MTHFD2: variants seen among roughly 807,000 people sequenced by gnomAD.
MTHFD2 encodes the protein bifunctional methylenetetrahydrofolate dehydrogenase/cyclohydrolase, mitochondrial.
MTHFD2 carries 26 observed loss-of-function variants against 36.8 expected under a neutral mutation model. The ratio of observed to expected loss-of-function variants is 0.71; its 90% CI spans 0.52 to 0.98. The LOEUF is 0.98. Among genes scored for constraint, MTHFD2 ranks in the 50% least tolerant of loss-of-function variants. The pLI is 0.00. For synonymous variants in MTHFD2, 164 were observed against 155.2 expected (o/e 1.06, Z -0.42); for missense variants, 373 against 434.0 (o/e 0.86, Z 1.25).
chr2:74,206,898 G>A (rs1694194842), intron 2 of MTHFD2, among the ~76,000 whole-genome samples: 1 of 152,004 alleles, frequency 6.6e-6, no homozygotes, highest in Admixed American at 6.6e-5. Context: ...AGTAGAGATG[G>A]GGTTTCTCCA....
At chr2:74,211,135 G>T in intron 5 of MTHFD2, 64 bp from the exon 6 acceptor site, 1 of 1,086,162 alleles carries the variant, frequency 9.2e-7, no homozygotes, top group Non-Finnish European at 1.4e-6. Context: ...GACTTGACTA[G>T]TTGAGACCTA....
chr2:74,210,135 T>A, intron 5 of MTHFD2, 86 bp downstream of exon 5: 1 of 1,067,024 alleles, frequency 9.4e-7, no homozygotes, highest in Non-Finnish European at 1.4e-6. Context: ...TTGGAAGTAT[T>A]AACTCTGTTA....
Position 74,205,852 on chromosome 2 carries a change from C to T in MTHFD2, c.249C>T (p.Ser83=), listed in dbSNP as rs1349276151. The T allele has an allele frequency of 1.2e-6, 2 of 1,613,748 alleles. No homozygotes were observed. The highest frequency in any genetic ancestry group is 1.7e-6 in the Non-Finnish European group (2 of 1,179,998). ...ILVGENPASH[S]YVLNKTRAAA... ...TTGGCGAGAATCCTGCAAGTCACTC[C>T]TATGTCCTCAACAAAACCAGGGCAG... The change falls in exon 2 of 8, where the codon TCC becomes TCT. Residue 83 remains serine, a synonymous_variant. Transcript: ENST00000394053.
At chr2:74,198,915 C>G (rs1242066416) in intron 1 of MTHFD2, among the ~76,000 whole-genome samples, 173 bp downstream of exon 1, 1 of 152,146 alleles carries the variant, frequency 6.6e-6, no homozygotes, top group African/African-American at 2.4e-5. Context: ...GCCGCCGCAG[C>G]TCTCGACTGG....
chr2:74,212,939 C>A (rs529558032), intron 7 of MTHFD2, among the ~76,000 whole-genome samples: 2 of 151,618 alleles, frequency 1.3e-5, no homozygotes, highest in Non-Finnish European at 2.9e-5. Flanking sequence ...GAGTCTCACT[C>A]TGTTGCCCAG....
chr2:74,207,543 A>G (rs547692629), intron 2 of MTHFD2, among the ~76,000 whole-genome samples, 161 bp from the exon 3 acceptor site: 8 of 152,300 alleles, frequency 5.3e-5, no homozygotes, highest in African/African-American at 1.7e-4. Flanking sequence ...TCTGGTGTAT[A>G]TATTTGTGAA....
At chr2:74,201,949 C>G (rs1232559605) in intron 1 of MTHFD2, among the ~76,000 whole-genome samples, 6 of 149,552 alleles carry the variant, frequency 4.0e-5, no homozygotes, top group African/African-American at 9.9e-5. Flanking sequence ...GACTGTTTTT[C>G]TTTCTTTTCT....
intron 6 of MTHFD2, 98 bp from the exon 7 acceptor site, chr2:74,211,643 A>G: frequency 8.5e-7 from 1 of 1,171,220 alleles, no homozygotes; most frequent in South Asian, 2.1e-5. Flanking sequence ...AAACATGTTG[A>G]TTAGTTCTTC....
At chr2:74,199,355 G>T (rs532777734) in intron 1 of MTHFD2, among the ~76,000 whole-genome samples, 2 of 152,182 alleles carry the variant, frequency 1.3e-5, no homozygotes, top group Non-Finnish European at 2.9e-5. Context: ...GCCCACCAGA[G>T]CCTGTCAGTG....
In MTHFD2 at chr2:74,216,669, C is replaced by CA. The variant is rs1553449749; in HGVS notation, c.*2428dup. 1 of 152,132 alleles carries CA rather than the reference C, an allele frequency of 6.6e-6. No homozygotes were observed. The highest frequency in any genetic ancestry group is 1.9e-4 in the East Asian group (1 of 5,186). 9.4% of individuals were successfully genotyped at this position (152,132 alleles called of 1,614,324 possible). On this transcript the variant is annotated 3_prime_UTR_variant, in exon 8 of 8. Transcript: ENST00000394053. ...TGTCTCCCTGGCTGGAGTGCAGTGGCATGATTATAGCTCACTGCAGCCTTG... is the reference window on the plus strand; with the variant it reads ...TGTCTCCCTGGCTGGAGTGCAGTGGCAATGATTATAGCTCACTGCAGCCTTG...
chr2:74,211,056 A>C, intron 5 of MTHFD2, 143 bp from the exon 6 acceptor site: 1 of 529,598 alleles, frequency 1.9e-6, no homozygotes, highest in South Asian at 2.3e-5. Context: ...AAGTGCTGGG[A>C]TTACAGGCGT....
In MTHFD2 at chr2:74,215,444, GA is replaced by G. The variant is rs1395992554; in HGVS notation, c.*1203del. On this transcript the variant is annotated 3_prime_UTR_variant, in exon 8 of 8. Coordinates refer to ENST00000394053, the MANE Select transcript of MTHFD2 (RefSeq NM_006636.4). ...TTCTATTTTTTTTTTTTTTTTTGTAGAGATGGGGTCTTGCTATGTTGCCTGG... is the reference window on the plus strand; with the variant it reads ...TTCTATTTTTTTTTTTTTTTTTGTAGGATGGGGTCTTGCTATGTTGCCTGG... 1.6e-5 allele frequency: 2 copies of G among 122,550 alleles called. No homozygotes were observed. The highest frequency in any genetic ancestry group is 3.2e-5 in the Non-Finnish European group (2 of 61,794). 7.6% of individuals were successfully genotyped at this position (122,550 alleles called of 1,614,324 possible). A position where few individuals can be genotyped will look rare whatever the true frequency, so the allele number is the denominator to read the frequency against.
Position 74,210,061 on chromosome 2 carries a change from G to A in MTHFD2, c.670+12G>A. 6.2e-7 allele frequency: 1 copy of A among 1,605,328 alleles called. No homozygotes were observed. Among genetic ancestry groups the A allele is most frequent in the Non-Finnish European group, 8.5e-7 (1 of 1,174,760 alleles). Reference sequence around the variant, plus strand: ...TGAACGTCCCGGAGGTAAGGAAATTGCTTTCAGGGAACACTGTCCTTTTTT... The same window carrying A: ...TGAACGTCCCGGAGGTAAGGAAATTACTTTCAGGGAACACTGTCCTTTTTT... On this transcript the variant is annotated intron_variant, in intron 5 of 7. Coordinates refer to ENST00000394053, the MANE Select transcript of MTHFD2 (RefSeq NM_006636.4).
chr2:74,211,674 T>G, intron 6 of MTHFD2, 67 bp from the exon 7 acceptor site: 3 of 1,464,392 alleles, frequency 2.0e-6, no homozygotes, highest in Non-Finnish European at 2.7e-6. Flanking sequence ...GAAATTGAAG[T>G]TAGACAAGAA....
intron 6 of MTHFD2, 139 bp from the exon 7 acceptor site, chr2:74,211,601 TC>T: frequency 1.2e-6 from 1 of 800,240 alleles, no homozygotes. Flanking sequence ...AGTAAATAGT[TC>T]CTTAGTTAAT....
chr2:74,202,000 G>A (rs1694052744), intron 1 of MTHFD2, among the ~76,000 whole-genome samples: 1 of 150,698 alleles, frequency 6.6e-6, no homozygotes, highest in Non-Finnish European at 1.5e-5. Context: ...TCCAGAACCT[G>A]CTTTTGGAAG....
intron 2 of MTHFD2, chr2:74,206,134 G>A: frequency 2.9e-6 from 1 of 342,324 alleles, no homozygotes; most frequent in South Asian, 5.5e-5. Context: ...GCTACATTCT[G>A]TTCTTAGTCT....
intron 1 of MTHFD2, among the ~76,000 whole-genome samples, chr2:74,202,147 G>T (rs542873122): frequency 1.3e-5 from 2 of 151,928 alleles, no homozygotes; most frequent in East Asian, 3.9e-4. Flanking sequence ...TGAGGTGCAA[G>T]CTAAGTCATT....
chr2:74,212,370 A>C (rs1264744692), intron 7 of MTHFD2, among the ~76,000 whole-genome samples: 1 of 145,060 alleles, frequency 6.9e-6, no homozygotes, highest in East Asian at 2.0e-4. Context: ...GCTTCAAGCG[A>C]TTCTTGTGCT....
Sources: gnomAD v4.1 joint callset for allele counts (sites outside exome capture counted in the v4.1 genomes callset) on GRCh38, gnomAD v4.1.1 for gene constraint, MANE v1.5 for transcripts, NCBI Gene and HGNC (gene_info 2026-07-23, HGNC 2026-07-21) for gene names.